The following RPL36A variants were observed in gnomAD, a reference collection of about 807,000 sequenced individuals.
RPL36A encodes the protein large ribosomal subunit protein eL42.
For missense variants in RPL36A, 20 were observed against 81.0 expected (o/e 0.25, Z 2.89); for synonymous variants, 25 against 28.5 (o/e 0.88, Z 0.39).
In RPL36A at chrX:101,396,030, T is replaced by A. The variant is rs1555984278; in HGVS notation, c.*282T>A. On this transcript the variant is annotated 3_prime_UTR_variant, in exon 5 of 5. Coordinates refer to ENST00000553110, the MANE Select transcript of RPL36A (RefSeq NM_021029.6). ...ATTGGTTATCATGTGAGTAGACACA[T>A]TTCAGGCTAATAGGGAGAAGTCAGT... 3.1e-6 allele frequency: 1 copy of A among 322,679 alleles called. No individual in the cohort carries two copies. The highest frequency in any genetic ancestry group is 5.3e-6 in the Non-Finnish European group (1 of 187,382). 26.6% of individuals were successfully genotyped at this position (322,679 alleles called of 1,213,427 possible).
chrX:101,393,202 TACA>T (rs1420199232), intron 3 of RPL36A: 1 of 110,504 alleles, frequency 9.0e-6, no homozygotes, highest in Non-Finnish European at 1.9e-5. Flanking sequence ...TCCAGTCATT[TACA>T]ACAACATGGG....
Position 101,392,467 on chromosome X carries a change from T to C in RPL36A, c.177+645T>C. 3 of 766,640 alleles carry C rather than the reference T, an allele frequency of 3.9e-6. No homozygotes were observed. In the South Asian group the frequency reaches 1.9e-4, roughly 48 times the overall value. 63.2% of individuals were successfully genotyped at this position (766,640 alleles called of 1,213,427 possible). ...AGAAAGTATTAAGGAATGACTTTAG[T>C]GCTCATTTGGATGCAGTAAGTGGTT... On this transcript the variant is annotated intron_variant, in intron 3 of 4. Coordinates refer to ENST00000553110, the MANE Select transcript of RPL36A (RefSeq NM_021029.6).
rs3027596 is a variant in RPL36A at position 101,391,602 on chromosome X, A to G, written c.109+38A>G. 3.5e-4 allele frequency: 425 copies of G among 1,203,183 alleles called. No individual in the cohort carries two copies. The Admixed American group carries it at 7.9e-3, about 22-fold the overall frequency. ...CCGCATAATTTGGTGTTAATGTGACATTTGTGTTGTAGAATAACATACGAG... is the reference window on the plus strand; with the variant it reads ...CCGCATAATTTGGTGTTAATGTGACGTTTGTGTTGTAGAATAACATACGAG... On this transcript the variant is annotated intron_variant, in intron 2 of 4. Transcript: ENST00000553110.
chrX:101,392,461 C>A lies in RPL36A; in HGVS notation c.177+639C>A, dbSNP rs961125053. On this transcript the variant is annotated intron_variant, in intron 3 of 4. Transcript: ENST00000553110. ...AGCTCCAGAAAGTATTAAGGAATGA[C>A]TTTAGTGCTCATTTGGATGCAGTAA... 2.3e-5 allele frequency: 18 copies of A among 767,161 alleles called. No homozygotes were observed. In the South Asian group the frequency reaches 5.7e-4, roughly 24 times the overall value. The allele number at this position is 767,161 out of a possible 1,213,427, so 63.2% of individuals were successfully genotyped here.
chrX:101,391,256 A>G lies in RPL36A; in HGVS notation c.4-203A>G, dbSNP rs1032587061. ...AAGAGGTAGAGTTAGCCGGGGGTGG[A>G]GTTAATGAGGTCTCTTCCCTCTTTG... is the stretch of plus-strand genomic sequence containing the variant. On this transcript the variant is annotated intron_variant, in intron 1 of 4. Transcript: ENST00000553110. 4.2e-4 allele frequency: 241 copies of G among 580,288 alleles called. 1 individual carries two copies. Among genetic ancestry groups the G allele is most frequent in the Non-Finnish European group, 4.2e-5 (15 of 360,886 alleles). 47.8% of individuals were successfully genotyped at this position (580,288 alleles called of 1,213,427 possible).
At chrX:101,393,333 A>T (rs782670043) in intron 3 of RPL36A, 1 of 111,045 alleles carries the variant, frequency 9.0e-6, no homozygotes, top group Non-Finnish European at 1.9e-5. Flanking sequence ...GAGTAGAAGG[A>T]TGGTTACCAG....
intron 1 of RPL36A, 141 bp from the exon 2 acceptor site, chrX:101,391,318 A>T: frequency 1.3e-6 from 1 of 764,908 alleles, no homozygotes. Flanking sequence ...CTTGAAGCAC[A>T]TGGGGCTGGC....
Position 101,391,816 on chromosome X carries a change from G to A in RPL36A, c.171G>A (p.Arg57=). The A allele has an allele frequency of 8.3e-7, 1 of 1,208,115 alleles. No individual in the cohort carries two copies. Among genetic ancestry groups the A allele is most frequent in the Non-Finnish European group, 1.1e-6 (1 of 894,487 alleles). Reference sequence around the variant, plus strand: ...GTGGGCAAACTAAGCCGATTTTCCGGAAAAAGGTGAGTGGTAGTTACTATT... The same window carrying A: ...GTGGGCAAACTAAGCCGATTTTCCGAAAAAAGGTGAGTGGTAGTTACTATT... The part of the protein sequence containing the change: ...GYGGQTKPIF[R]KKAKTTKKIV... Residue 57 remains arginine (R), a synonymous_variant, in exon 3 of 5, where the codon CGG becomes CGA. Transcript: ENST00000553110.
At chrX:101,395,147 T>C (rs1927979799) in intron 3 of RPL36A, 188 bp from the exon 4 acceptor site, 1 of 307,691 alleles carries the variant, frequency 3.3e-6, no homozygotes, top group Admixed American at 6.4e-5. Context: ...TTCACTGATT[T>C]TTAGATTATT....
At chrX:101,391,093 C>G in intron 1 of RPL36A, 47 bp downstream of exon 1, 1 of 1,179,992 alleles carries the variant, frequency 8.5e-7, no homozygotes, top group African/African-American at 1.7e-5. Context: ...TTAATCTTTC[C>G]CCCCCTTCGT....
intron 3 of RPL36A, chrX:101,392,560 A>G (rs782708661): frequency 1.3e-6 from 1 of 754,804 alleles, no homozygotes; most frequent in Non-Finnish European, 1.6e-6. Context: ...TGTTTAGAAG[A>G]CAGAGGTTCT....
chrX:101,392,757 G>A (rs915362972), intron 3 of RPL36A: 1 of 303,630 alleles, frequency 3.3e-6, no homozygotes, highest in Non-Finnish European at 4.4e-6. Flanking sequence ...TATGTTTGTT[G>A]TAGCACTGTT....
In RPL36A at chrX:101,395,867, A is replaced by G. The variant is rs1928006991; in HGVS notation, c.*119A>G. ...CATCAATACAATTCCGCTTGTGGGG[A>G]AATTTATGCCTCTTACTGGTACTAC... On this transcript the variant is annotated 3_prime_UTR_variant, in exon 5 of 5. Coordinates refer to ENST00000553110, the MANE Select transcript of RPL36A (RefSeq NM_021029.6). The G allele has an allele frequency of 3.0e-6, 2 of 664,634 alleles. No individual in the cohort carries two copies. Among genetic ancestry groups the G allele is most frequent in the Non-Finnish European group, 4.5e-6 (2 of 439,665 alleles). The allele number at this position is 664,634 out of a possible 1,213,427, so 54.8% of individuals were successfully genotyped here.
intron 3 of RPL36A, chrX:101,393,730 G>A (rs1927911412): frequency 1.8e-5 from 2 of 111,935 alleles, no homozygotes; most frequent in African/African-American, 3.2e-5. Context: ...CCAGTAGTGC[G>A]GAAATTGTCA....
Position 101,392,471 on chromosome X carries a change from C to T in RPL36A, c.177+649C>T, listed in dbSNP as rs28427478. 284 of 760,437 alleles carry T rather than the reference C, an allele frequency of 3.7e-4. No individual in the cohort carries two copies. In the African/African-American group the frequency reaches 6.1e-3, roughly 16 times the overall value. 62.7% of individuals were successfully genotyped at this position (760,437 alleles called of 1,213,427 possible). On this transcript the variant is annotated intron_variant, in intron 3 of 4. Coordinates refer to ENST00000553110, the MANE Select transcript of RPL36A (RefSeq NM_021029.6). ...AGTATTAAGGAATGACTTTAGTGCT[C>T]ATTTGGATGCAGTAAGTGGTTTGAT... is the stretch of plus-strand genomic sequence containing the variant.
chrX:101,395,704 C>T, intron 4 of RPL36A, 24 bp from the exon 5 acceptor site: 1 of 1,207,734 alleles, frequency 8.3e-7, no homozygotes, highest in Non-Finnish European at 1.1e-6. Context: ...AAATACAAAA[C>T]AACTTTTTTC....
chrX:101,391,657 T>G, intron 2 of RPL36A, 93 bp downstream of exon 2: 1 of 1,194,948 alleles, frequency 8.4e-7, no homozygotes, highest in South Asian at 1.8e-5. Context: ...ACGCCTGGCT[T>G]GAGCGTTAAT....
At chrX:101,392,526 A>G (rs1927848596) in intron 3 of RPL36A, 1 of 755,245 alleles carries the variant, frequency 1.3e-6, no homozygotes, top group Non-Finnish European at 1.6e-6. Flanking sequence ...TGCTTTTTTT[A>G]TACCTTTTCA....
chrX:101,391,069 G>C, intron 1 of RPL36A, 23 bp downstream of exon 1: 1 of 1,198,342 alleles, frequency 8.3e-7, no homozygotes. Context: ...GGTGGGGGCC[G>C]AGTAACATCC....
Sources: gnomAD v4.1 joint callset for allele counts on GRCh38, gnomAD v4.1.1 for gene constraint, MANE v1.5 for transcripts, NCBI Gene and HGNC (gene_info 2026-07-23, HGNC 2026-07-21) for gene names.